NDUFS4: variants seen among roughly 807,000 people sequenced by gnomAD.
NDUFS4 encodes the protein NADH dehydrogenase [ubiquinone] iron-sulfur protein 4, mitochondrial.
NDUFS4 carries 28 observed loss-of-function variants against 24.3 expected under a neutral mutation model. That is an observed-to-expected ratio of 1.15 (90% CI 0.85 to 1.58). The LOEUF is 1.58. Ranked by LOEUF, NDUFS4 falls within the 40% of genes most tolerant of loss-of-function variation. The pLI, the probability that NDUFS4 is intolerant of heterozygous loss-of-function variation, is 0.00. For missense variants in NDUFS4, 223 were observed against 207.9 expected (o/e 1.07, Z -0.45); for synonymous variants, 93 against 69.7 (o/e 1.34, Z -1.67).
At chr5:53,589,584 T>TA in intron 1 of NDUFS4, among the ~76,000 whole-genome samples, 2 of 152,226 alleles carry the variant, frequency 1.3e-5, no homozygotes, top group Non-Finnish European at 2.9e-5. Context: ...AGTCTCAAAA[T>TA]ACGATTAGAA....
intron 2 of NDUFS4, among the ~76,000 whole-genome samples, chr5:53,641,779 A>C (rs570011058): frequency 6.6e-6 from 1 of 152,094 alleles, no homozygotes; most frequent in African/African-American, 2.4e-5. Flanking sequence ...TGCTTTAAGT[A>C]TCTGTGGGTT....
chr5:53,595,523 C>G (rs1323055556), intron 1 of NDUFS4, among the ~76,000 whole-genome samples: 1 of 152,122 alleles, frequency 6.6e-6, no homozygotes, highest in Non-Finnish European at 1.5e-5. Flanking sequence ...ACTGTCATCA[C>G]CATGACATCT....
intron 1 of NDUFS4, among the ~76,000 whole-genome samples, chr5:53,570,430 A>G (rs774580766): frequency 6.6e-6 from 1 of 152,204 alleles, no homozygotes; most frequent in Admixed American, 6.5e-5. Context: ...ATTGAAGGAC[A>G]TATGAATTAT....
intron 2 of NDUFS4, among the ~76,000 whole-genome samples, chr5:53,605,803 A>G (rs966032170): frequency 2.6e-5 from 4 of 152,062 alleles, no homozygotes; most frequent in African/African-American, 9.7e-5. Flanking sequence ...TCACAAGGTC[A>G]GGAGATCGAG....
At chr5:53,621,921 C>T (rs989700058) in intron 2 of NDUFS4, among the ~76,000 whole-genome samples, 4 of 151,890 alleles carry the variant, frequency 2.6e-5, no homozygotes, top group African/African-American at 4.8e-5. Context: ...AGGATGGTCT[C>T]GATCTCCTGA....
intron 4 of NDUFS4, among the ~76,000 whole-genome samples, chr5:53,666,955 T>C (rs1262473338): frequency 6.6e-6 from 1 of 151,886 alleles, no homozygotes; most frequent in African/African-American, 2.4e-5. Flanking sequence ...AATAAATAAA[T>C]AGAAAGAAAC....
At chr5:53,625,692 C>T (rs1393010937) in intron 2 of NDUFS4, among the ~76,000 whole-genome samples, 3 of 152,050 alleles carry the variant, frequency 2.0e-5, no homozygotes, top group African/African-American at 7.2e-5. Context: ...TCTAGAATTT[C>T]TATTTAGTTC....
At chr5:53,585,544 G>A (rs893874595) in intron 1 of NDUFS4, among the ~76,000 whole-genome samples, 7 of 151,910 alleles carry the variant, frequency 4.6e-5, no homozygotes, top group African/African-American at 1.5e-4. Flanking sequence ...TCAGGAGTTC[G>A]AGACCAGCCT....
intron 1 of NDUFS4, among the ~76,000 whole-genome samples, chr5:53,561,039 C>T (rs543968811): frequency 1.3e-5 from 2 of 152,102 alleles, no homozygotes; most frequent in South Asian, 4.2e-4. Flanking sequence ...GTTTTGCCTC[C>T]GGAGCTGCAA....
intron 1 of NDUFS4, among the ~76,000 whole-genome samples, chr5:53,597,323 C>G (rs933045315): frequency 2.6e-5 from 4 of 152,106 alleles, no homozygotes; most frequent in African/African-American, 7.2e-5. Context: ...ACACACATAA[C>G]CTCAGTTTAA....
At chr5:53,671,476 C>G (rs985332291) in intron 4 of NDUFS4, among the ~76,000 whole-genome samples, 7 of 152,144 alleles carry the variant, frequency 4.6e-5, no homozygotes, top group African/African-American at 1.7e-4. Context: ...TTCTTTTAGC[C>G]TTAAACTTAG....
At chr5:53,611,810 C>T (rs1211611167) in intron 2 of NDUFS4, among the ~76,000 whole-genome samples, 2 of 151,984 alleles carry the variant, frequency 1.3e-5, no homozygotes, top group Non-Finnish European at 2.9e-5. Flanking sequence ...CCTTTCAGGA[C>T]ATTTGATGAA....
At chr5:53,563,253 AAG>A (rs1491291930) in intron 1 of NDUFS4, among the ~76,000 whole-genome samples, 9 of 148,572 alleles carry the variant, frequency 6.1e-5, no homozygotes, top group Non-Finnish European at 9.0e-5. Flanking sequence ...AAAAAAAAAA[AAG>A]AAAAGGAAGG....
intron 4 of NDUFS4, among the ~76,000 whole-genome samples, chr5:53,680,702 G>C (rs893426587): frequency 1.6e-4 from 24 of 152,044 alleles, no homozygotes; most frequent in African/African-American, 5.8e-4. Flanking sequence ...TTGTGGGGTG[G>C]GGGGAGCGGG....
rs191337804 is a variant in NDUFS4, at chr5:53,680,452, A to G, written c.425-2666A>G. Among the ~76,000 whole-genome samples the G allele has an allele frequency of 6.2e-4, 94 of 152,308 alleles. No individual in the cohort carries two copies. In the East Asian group the frequency reaches 0.017, roughly 28 times the overall value. On this transcript the variant is annotated intron_variant, in intron 4 of 4. Transcript: ENST00000296684. ...GACTTGGAACCAATCCAGATGTCCA[A>G]CAATGATAGACTGGATTAAGAAAAA...
rs780212722 is a variant in NDUFS4, at chr5:53,614,979, CTGTA to C, written c.177+11453_177+11456del. On this transcript the variant is annotated intron_variant, in intron 2 of 4. Coordinates refer to ENST00000296684, the MANE Select transcript of NDUFS4 (RefSeq NM_002495.4). ...CATTAGTGAATTTGAAGTACATAAA[CTGTA>C]TGTTATCTCCTTGAAAATTGCTTAT... Among the ~76,000 whole-genome samples, 157 of 151,928 alleles carry C rather than the reference CTGTA, an allele frequency of 1.0e-3. 1 individual carries two copies. The highest frequency in any genetic ancestry group is 1.2e-3 in the South Asian group (6 of 4,822).
At chr5:53,673,288 T>A (rs922963189) in intron 4 of NDUFS4, among the ~76,000 whole-genome samples, 1 of 152,212 alleles carries the variant, frequency 6.6e-6, no homozygotes, top group Non-Finnish European at 1.5e-5. Context: ...AATTATTTTT[T>A]AGCACCTCTC....
intron 2 of NDUFS4, among the ~76,000 whole-genome samples, chr5:53,609,005 A>C (rs1750614893): frequency 6.6e-6 from 1 of 152,188 alleles, no homozygotes; most frequent in Admixed American, 6.5e-5. Flanking sequence ...AGGTGACAAT[A>C]AGTGGGAAGT....
At position 53,603,440 on chromosome 5, in the gene NDUFS4, C is replaced by T. The variant is rs532142629; in HGVS notation, c.99-12C>T. 6.9e-6 allele frequency: 11 copies of T among 1,599,956 alleles called. No individual in the cohort carries two copies. In the South Asian group the frequency reaches 1.1e-4, roughly 16 times the overall value. ...CCTGGATCCTTTTTTAACTTAAAGT[C>T]TTGCACTGCAGGTCGTTGAGGACTT... is the stretch of plus-strand genomic sequence containing the variant. On this transcript the variant is annotated splice_polypyrimidine_tract_variant and intron_variant, in intron 1 of 4. Coordinates refer to ENST00000296684, the MANE Select transcript of NDUFS4 (RefSeq NM_002495.4).
Sources: gnomAD v4.1 joint callset for allele counts (sites outside exome capture counted in the v4.1 genomes callset) on GRCh38, gnomAD v4.1.1 for gene constraint, MANE v1.5 for transcripts, NCBI Gene and HGNC (gene_info 2026-07-23, HGNC 2026-07-21) for gene names.